Variants in CERS6 observed in about 807,000 individuals in gnomAD.
CERS6 encodes the protein ceramide synthase 6.
In CERS6, 26 loss-of-function variants were observed where a neutral mutation model predicts 56.8. The observed-to-expected ratio is 0.46, with a 90% CI of 0.34 to 0.63. CERS6 has a LOEUF of 0.63. Ranked by LOEUF, CERS6 falls within the 30% of genes least tolerant of loss-of-function variation. CERS6 has a pLI of 0.01. For synonymous variants in CERS6, 164 were observed against 173.3 expected (o/e 0.95, Z 0.42); for missense variants, 415 against 467.5 (o/e 0.89, Z 1.04).
At chr2:168,606,742 T>C (rs1380230866) in intron 3 of CERS6, among the ~76,000 whole-genome samples, 1 of 152,244 alleles carries the variant, frequency 6.6e-6, no homozygotes, top group Non-Finnish European at 1.5e-5. Flanking sequence ...ATCCCCATGC[T>C]GGAGGTGGGA....
At chr2:168,747,969 G>T (rs139969641) in intron 8 of CERS6, among the ~76,000 whole-genome samples, 1 of 152,270 alleles carries the variant, frequency 6.6e-6, no homozygotes, top group African/African-American at 2.4e-5. Flanking sequence ...ATTAATATGG[G>T]AGAACATTTT....
intron 8 of CERS6, among the ~76,000 whole-genome samples, chr2:168,734,535 A>G (rs1022051952): frequency 2.0e-5 from 3 of 152,252 alleles, no homozygotes; most frequent in African/African-American, 7.2e-5. Flanking sequence ...CATCAGGAAC[A>G]AAAGACAGAC....
At chr2:168,501,374 G>C (rs559392013) in intron 1 of CERS6, among the ~76,000 whole-genome samples, 2 of 152,318 alleles carry the variant, frequency 1.3e-5, no homozygotes, top group South Asian at 4.1e-4. Context: ...ACCTTTTCAA[G>C]TATACATAGT....
intron 4 of CERS6, among the ~76,000 whole-genome samples, chr2:168,640,129 G>A (rs1684952902): frequency 1.3e-5 from 2 of 152,186 alleles, no homozygotes; most frequent in Non-Finnish European, 1.5e-5. Flanking sequence ...TTACCTGAGT[G>A]GGGTAAAGAG....
chr2:168,562,471 A>G (rs898113800), intron 3 of CERS6, among the ~76,000 whole-genome samples: 2 of 152,196 alleles, frequency 1.3e-5, no homozygotes, highest in Non-Finnish European at 2.9e-5. Flanking sequence ...GTAGTAGGAG[A>G]GCAGGGTGAT....
At chr2:168,492,425 A>C (rs1287427563) in intron 1 of CERS6, among the ~76,000 whole-genome samples, 1 of 152,146 alleles carries the variant, frequency 6.6e-6, no homozygotes, top group Non-Finnish European at 1.5e-5. Flanking sequence ...TCTTTTGAGA[A>C]GTGTCTGTTC....
At chr2:168,662,123 G>GTC (rs991940958) in intron 4 of CERS6, among the ~76,000 whole-genome samples, 5 of 103,282 alleles carry the variant, frequency 4.8e-5, no homozygotes, top group Non-Finnish European at 1.0e-4. Flanking sequence ...ATTCAAGGCT[G>GTC]TCTCTTTTTT....
At chr2:168,760,200 C>CT (rs1684532140) in intron 8 of CERS6, among the ~76,000 whole-genome samples, 1 of 152,114 alleles carries the variant, frequency 6.6e-6, no homozygotes, top group South Asian at 2.1e-4. Context: ...TAAGTATTAA[C>CT]TTACACGATC....
chr2:168,547,731 T>C (rs771238619), intron 2 of CERS6, 30 bp downstream of exon 2: 11 of 1,408,294 alleles, frequency 7.8e-6, no homozygotes, highest in Admixed American at 5.0e-5. Context: ...GGGTATAGAT[T>C]GTCCCCGGTC....
chr2:168,631,069 G>A (rs2105295525), intron 4 of CERS6, 27 bp downstream of exon 4: 1 of 1,203,508 alleles, frequency 8.3e-7, no homozygotes, highest in Non-Finnish European at 1.2e-6. Context: ...TATTTTACAT[G>A]ATTCTTATGT....
chr2:168,771,752 C>G lies in CERS6; in HGVS notation c.*2090C>G, dbSNP rs959616607. On this transcript the variant is annotated 3_prime_UTR_variant, in exon 10 of 10. Coordinates refer to ENST00000305747, the MANE Select transcript of CERS6 (RefSeq NM_203463.3). ...GTTCAGGTTTAGATCATATGACACT[C>G]GAGCACAGAAGAATAATTTCAAGGA... 6.6e-6 allele frequency: 1 copy of G among 152,062 alleles called. No homozygotes were observed. Among genetic ancestry groups the G allele is most frequent in the African/African-American group, 2.4e-5 (1 of 41,398 alleles). 9.4% of individuals were successfully genotyped at this position (152,062 alleles called of 1,614,324 possible).
At chr2:168,667,370 C>T (rs1431054816) in intron 4 of CERS6, among the ~76,000 whole-genome samples, 1 of 152,174 alleles carries the variant, frequency 6.6e-6, no homozygotes, top group Non-Finnish European at 1.5e-5. Context: ...TCCTGTAGTG[C>T]TTTTCTTTAT....
intron 1 of CERS6, among the ~76,000 whole-genome samples, chr2:168,509,212 C>G (rs1694733913): frequency 6.6e-6 from 1 of 152,190 alleles, no homozygotes; most frequent in Non-Finnish European, 1.5e-5. Context: ...TTCAAACATT[C>G]TTAAACAGTA....
At chr2:168,752,015 A>C (rs1298872054) in intron 8 of CERS6, among the ~76,000 whole-genome samples, 2 of 152,128 alleles carry the variant, frequency 1.3e-5, no homozygotes, top group Non-Finnish European at 2.9e-5. Flanking sequence ...GTAGGTACCT[A>C]GTCTTATCTA....
chr2:168,659,390 G>A (rs1685570908), intron 4 of CERS6, among the ~76,000 whole-genome samples: 1 of 152,134 alleles, frequency 6.6e-6, no homozygotes, highest in Non-Finnish European at 1.5e-5. Flanking sequence ...AGAAATCTAA[G>A]CACTTCTTGT....
chr2:168,499,587 T>C (rs1172495544), intron 1 of CERS6, among the ~76,000 whole-genome samples: 2 of 152,166 alleles, frequency 1.3e-5, no homozygotes, highest in East Asian at 3.9e-4. Flanking sequence ...TCTGTATGGG[T>C]TTCTACCTCA....
chr2:168,468,211 C>T (rs182767224), intron 1 of CERS6, among the ~76,000 whole-genome samples: 289 of 152,256 alleles, frequency 1.9e-3, no homozygotes, highest in Non-Finnish European at 3.3e-3. Context: ...GAGAGAGACC[C>T]CCATCCCCAA....
intron 8 of CERS6, among the ~76,000 whole-genome samples, chr2:168,737,204 G>A (rs761761117): frequency 3.3e-5 from 5 of 152,170 alleles, no homozygotes; most frequent in Non-Finnish European, 7.3e-5. Context: ...ACTCACTACA[G>A]TTGTGTCTGT....
Position 168,765,227 on chromosome 2 carries a change from GA to G in CERS6, c.846-361del, listed in dbSNP as rs147498970. 3.9e-3 allele frequency among the ~76,000 whole-genome samples: 591 copies of G among 152,302 alleles called. 6 individuals are homozygous for G. Among genetic ancestry groups the G allele is most frequent in the African/African-American group, 0.013 (549 of 41,546 alleles). Reference sequence around the variant, plus strand: ...GTGCCGAATCTTGGTTTTGAAAGATGAAAAGTGTGCTGAGCATGTATGGCAG... The same window carrying G: ...GTGCCGAATCTTGGTTTTGAAAGATGAAAGTGTGCTGAGCATGTATGGCAG... On this transcript the variant is annotated intron_variant, in intron 8 of 9. Coordinates refer to ENST00000305747, the MANE Select transcript of CERS6 (RefSeq NM_203463.3).
Sources: gnomAD v4.1 joint callset for allele counts (sites outside exome capture counted in the v4.1 genomes callset) on GRCh38, gnomAD v4.1.1 for gene constraint, MANE v1.5 for transcripts, NCBI Gene and HGNC (gene_info 2026-07-23, HGNC 2026-07-21) for gene names.